Variants in MYO1H observed in about 807,000 individuals in gnomAD.
The protein encoded by MYO1H is unconventional myosin-Ih.
A neutral mutation model predicts 149.3 loss-of-function variants in MYO1H; 118 were observed. That is an observed-to-expected ratio of 0.79 (90% CI 0.68 to 0.92). The LOEUF (loss-of-function observed/expected upper bound fraction) is 0.92. MYO1H is among the 40% of genes least tolerant of loss of function. MYO1H has a pLI of 0.00. For synonymous variants in MYO1H, 447 were observed against 465.2 expected, an observed-to-expected ratio of 0.96 and a Z score of 0.50; for missense variants, 1,212 against 1,280.7, an observed-to-expected ratio of 0.95 and a Z score of 0.82.
chr12:109,433,029 AC>A lies in MYO1H; in HGVS notation c.2063+21del, dbSNP rs1871708455. ...TAGGCAAGTAAGTGACCAGAAGACCACCAAATGGTCTCTTCCCTTGACATCA... is the reference window on the plus strand; with the variant it reads ...TAGGCAAGTAAGTGACCAGAAGACCACAAATGGTCTCTTCCCTTGACATCA... On this transcript the variant is annotated intron_variant, in intron 20 of 31. Coordinates refer to ENST00000310903, the Ensembl canonical transcript of MYO1H. 6.3e-7 allele frequency: 1 copy of A among 1,591,944 alleles called. No homozygotes were observed. Among genetic ancestry groups the A allele is most frequent in the Non-Finnish European group, 8.6e-7 (1 of 1,159,946 alleles).
upstream of MYO1H, among the ~76,000 whole-genome samples, chr12:109,346,205 A>G (rs1383326776): frequency 1.3e-5 from 2 of 152,180 alleles, no homozygotes; most frequent in East Asian, 3.9e-4. Flanking sequence ...TTTACATGGC[A>G]TTTACATTCT....
intron 19 of MYO1H, among the ~76,000 whole-genome samples, chr12:109,430,229 G>A (rs1337711644): frequency 6.6e-6 from 1 of 152,174 alleles, no homozygotes; most frequent in Non-Finnish European, 1.5e-5. Context: ...CTGGTCAGTG[G>A]CTGGGGACAG....
upstream of MYO1H, among the ~76,000 whole-genome samples, chr12:109,345,627 G>GA (rs1349928239): frequency 6.6e-6 from 1 of 152,108 alleles, no homozygotes; most frequent in Non-Finnish European, 1.5e-5. Flanking sequence ...CAAGAGAAAT[G>GA]AAAACAAGTC....
intron 3 of MYO1H, among the ~76,000 whole-genome samples, chr12:109,395,484 C>T (rs1869850009): frequency 6.6e-6 from 1 of 151,940 alleles, no homozygotes; most frequent in African/African-American, 2.4e-5. Context: ...ACCTGTAATC[C>T]CAGCACTTTG....
intron 1 of MYO1H, among the ~76,000 whole-genome samples, chr12:109,373,774 C>A (rs563167343): frequency 6.6e-6 from 1 of 152,048 alleles, no homozygotes; most frequent in Non-Finnish European, 1.5e-5. Flanking sequence ...ATGCCTCCAC[C>A]CAGTGAAAGA....
intron 6 of MYO1H, 51 bp downstream of exon 6, chr12:109,401,323 GAGATGTTTCT>G: frequency 6.5e-7 from 1 of 1,541,790 alleles, no homozygotes; most frequent in Non-Finnish European, 8.8e-7. Context: ...CAGGGGATCA[GAGATGTTTCT>G]ACGTGCTGCT....
chr12:109,381,665 G>A (rs1869208051), intron 1 of MYO1H, among the ~76,000 whole-genome samples: 1 of 151,508 alleles, frequency 6.6e-6, no homozygotes, highest in Admixed American at 6.6e-5. Flanking sequence ...TCTTAGTTGG[G>A]TGTGGTGGTG....
chr12:109,359,903 A>G (rs1311272803), intron 1 of MYO1H, among the ~76,000 whole-genome samples: 1 of 151,874 alleles, frequency 6.6e-6, no homozygotes, highest in Non-Finnish European at 1.5e-5. Context: ...GTTTAAAGGA[A>G]TGTTTGAACT....
chr12:109,386,358 T>C (rs961870478), intron 1 of MYO1H, among the ~76,000 whole-genome samples: 3 of 152,138 alleles, frequency 2.0e-5, no homozygotes, highest in Admixed American at 6.5e-5. Context: ...TACATTTCTC[T>C]TGTGTAAATA....
chr12:109,447,439 C>A, exon 32 of MYO1H: 1 of 585,768 alleles, frequency 1.7e-6, no homozygotes, highest in Admixed American at 2.9e-5. Context: ...TTCTAAACAC[C>A]CTCGACAGGA....
At chr12:109,422,529 G>C (rs1007603508) in intron 16 of MYO1H, among the ~76,000 whole-genome samples, 1 of 152,184 alleles carries the variant, frequency 6.6e-6, no homozygotes, top group Non-Finnish European at 1.5e-5. Context: ...ATGGGCGACA[G>C]CGTTTCTCTA....
intron 15 of MYO1H, among the ~76,000 whole-genome samples, chr12:109,417,463 G>A (rs532209293): frequency 2.5e-4 from 38 of 151,960 alleles, no homozygotes; most frequent in Admixed American, 7.2e-4. Flanking sequence ...AAGTAGCTGG[G>A]ACTACAGGTG....
rs1034206241 is a variant in MYO1H, at chr12:109,438,078, G to A, written c.2210-458G>A. Among the ~76,000 whole-genome samples, 7 of 116,080 alleles carry A rather than the reference G, an allele frequency of 6.0e-5. No individual in the cohort carries two copies. In the East Asian group the frequency reaches 1.5e-3, roughly 24 times the overall value. The allele number at this position is 116,080 out of a possible 152,430, so 76.2% of individuals were successfully genotyped here. A position where few individuals can be genotyped will look rare whatever the true frequency, so the allele number is the denominator to read the frequency against. ...ACTCCAGCTTGGGCGACAGAGCAAG[G>A]CTCTGTCTAAAAAAAAAAAAAAAAA... On this transcript the variant is annotated intron_variant, in intron 22 of 31. Transcript: ENST00000310903.
intron 1 of MYO1H, among the ~76,000 whole-genome samples, chr12:109,386,995 CGTGTGTGTGTGTGTGTGTGTGT>C (rs55675476): frequency 1.4e-4 from 20 of 141,090 alleles, no homozygotes; most frequent in Non-Finnish European, 2.6e-4. Flanking sequence ...ATCTCAAGTT[CGTGTGTGTGTGTGTGTGTGTGT>C]GTGTGTGTGT....
chr12:109,316,938 T>C, the MYO1H span, among the ~76,000 whole-genome samples: 1 of 152,234 alleles, frequency 6.6e-6, no homozygotes, highest in Non-Finnish European at 1.5e-5. Flanking sequence ...TCCATTTGAA[T>C]TTGTTTAAAG....
chr12:109,396,224 A>G (rs745847753), intron 3 of MYO1H, among the ~76,000 whole-genome samples, 160 bp from the exon 4 acceptor site: 86 of 152,056 alleles, frequency 5.7e-4, no homozygotes, highest in Non-Finnish European at 1.0e-3. Context: ...TGCCCCGCCT[A>G]TGGAAAGGGT....
At chr12:109,313,341 G>A in the MYO1H span, among the ~76,000 whole-genome samples, 1 of 152,166 alleles carries the variant, frequency 6.6e-6, no homozygotes, top group Non-Finnish European at 1.5e-5. Flanking sequence ...TCGAATTCTG[G>A]TTTCCTAAGA....
chr12:109,402,950 G>A (rs1295215598), intron 6 of MYO1H, among the ~76,000 whole-genome samples: 2 of 152,020 alleles, frequency 1.3e-5, no homozygotes, highest in African/African-American at 4.8e-5. Flanking sequence ...AATTCAACTA[G>A]ATCTTTATAC....
chr12:109,311,507 C>T, the MYO1H span, among the ~76,000 whole-genome samples: 1 of 152,156 alleles, frequency 6.6e-6, no homozygotes, highest in African/African-American at 2.4e-5. Flanking sequence ...TAGTAGGTCA[C>T]CTGGGGTGAA....
Sources: allele counts gnomAD v4.1 joint callset (sites outside exome capture counted in the v4.1 genomes callset), GRCh38; gene constraint gnomAD v4.1.1; transcripts MANE v1.5; gene names NCBI Gene and HGNC (gene_info 2026-07-23, HGNC 2026-07-21).